NEDD9: variants seen among roughly 807,000 people sequenced by gnomAD.
NEDD9 encodes neural precursor cell expressed, developmentally down-regulated 9.
NEDD9 carries 26 observed loss-of-function variants against 76.6 expected under a neutral mutation model. That is an observed-to-expected ratio of 0.34 (90% confidence interval 0.25 to 0.47). NEDD9 has a LOEUF of 0.47. NEDD9 is among the 20% of genes least tolerant of loss of function. The pLI, the probability that NEDD9 is intolerant of heterozygous loss-of-function variation, is 1.00. For synonymous variants in NEDD9, 392 were observed against 414.2 expected (o/e 0.95, Z 0.65); for missense variants, 937 against 1,058.5 (o/e 0.89, Z 1.59).
chr6:11,224,192 C>T (rs9461569), intron 1 of NEDD9, among the ~76,000 whole-genome samples: 6,572 of 152,280 alleles, frequency 0.043, 444 homozygotes, highest in African/African-American at 0.15. Context: ...AAGAGCTAGG[C>T]ACTGATAAGA....
At chr6:11,221,123 C>T (rs1759128435) in intron 1 of NEDD9, among the ~76,000 whole-genome samples, 1 of 152,102 alleles carries the variant, frequency 6.6e-6, no homozygotes, top group Non-Finnish European at 1.5e-5. Context: ...TGGCTCACAC[C>T]TGTAATCCCA....
chr6:11,190,110 G>C lies in NEDD9; in HGVS notation c.1759C>G (p.Gln587Glu). 6.2e-7 allele frequency: 1 copy of C among 1,611,972 alleles called. No individual in the cohort carries two copies. The change falls in exon 5 of 7, where the codon CAG becomes GAG. Residue 587 changes from glutamine (Q) to glutamate (E), a missense_variant. Transcript: ENST00000379446. The surrounding 1 kb of genome is among the most constrained non-coding windows in gnomAD (Gnocchi z 5.8). ...TTGTGGTCACCAGGATGCAGCAGCT[G>C]TCCCTGGGAGCCACCGTGTGGGTAC... ...TEYPHGGSQGQLLHPGDHKAQ... is the reference protein window; with the variant it reads ...TEYPHGGSQGELLHPGDHKAQ...
At chr6:11,249,072 A>G (rs1759863167) in intron 3 of NEDD9, 1 of 454,292 alleles carries the variant, frequency 2.2e-6, no homozygotes, top group East Asian at 6.9e-5. Context: ...CTGGGCTGCA[A>G]TGCCCACGTA....
At chr6:11,378,890 A>G (rs1159926040) in intron 1 of NEDD9, among the ~76,000 whole-genome samples, 5 of 152,218 alleles carry the variant, frequency 3.3e-5, no homozygotes, top group Admixed American at 1.3e-4. Flanking sequence ...GCTGAGTTAC[A>G]TCGGAGCCTC....
chr6:11,190,287 G>C lies in NEDD9; in HGVS notation c.1582C>G (p.Leu528Val), dbSNP rs781636342. 6.2e-7 allele frequency: 1 copy of C among 1,614,250 alleles called. No individual in the cohort carries two copies. Among genetic ancestry groups the C allele is most frequent in the South Asian group, 1.1e-5 (1 of 91,082 alleles). ...TTTGCCACCATCACAAACCGGTCCAGATCGTCACACTTGTTCTGGGGCTTG... is the reference window on the plus strand; with the variant it reads ...TTTGCCACCATCACAAACCGGTCCACATCGTCACACTTGTTCTGGGGCTTG... ...INKPQNKCDDLDRFVMVAKTV... is the reference protein window; with the variant it reads ...INKPQNKCDDVDRFVMVAKTV... The change falls in exon 5 of 7, where the codon CTG becomes GTG. Residue 528 changes from leucine to valine, a missense_variant. Coordinates refer to ENST00000379446, the MANE Select transcript of NEDD9 (RefSeq NM_006403.4). The surrounding 1 kb of genome is among the most constrained non-coding windows in gnomAD (Gnocchi z 5.8).
At chr6:11,204,551 C>G (rs1758545085) in intron 2 of NEDD9, among the ~76,000 whole-genome samples, 1 of 151,734 alleles carries the variant, frequency 6.6e-6, no homozygotes, top group East Asian at 1.9e-4. Context: ...GAAACTTTGT[C>G]TCTACTAAAA....
chr6:11,309,593 G>A (rs1418866573), intron 2 of NEDD9, among the ~76,000 whole-genome samples: 25 of 152,140 alleles, frequency 1.6e-4, no homozygotes, highest in African/African-American at 4.8e-4. Context: ...CAAAGTGGTC[G>A]TATCAATCGA....
chr6:11,281,257 G>A (rs559280248), intron 3 of NEDD9, among the ~76,000 whole-genome samples: 13 of 152,314 alleles, frequency 8.5e-5, no homozygotes, highest in Non-Finnish European at 1.6e-4. Flanking sequence ...GAGCAGCCAT[G>A]TCCTTTGAGA....
intron 1 of NEDD9, among the ~76,000 whole-genome samples, chr6:11,368,686 T>C (rs550845445): frequency 5.0e-4 from 76 of 152,382 alleles, no homozygotes; most frequent in Non-Finnish European, 9.1e-4. Context: ...TGAAATATCA[T>C]TTCGGCTTTC....
intron 1 of NEDD9, among the ~76,000 whole-genome samples, chr6:11,227,991 T>G (rs1759354707): frequency 6.6e-6 from 1 of 151,438 alleles, no homozygotes; most frequent in South Asian, 2.1e-4. Context: ...GGACCAAGAT[T>G]TCCCATAGCA....
At chr6:11,371,464 T>A (rs1275768105) in intron 1 of NEDD9, among the ~76,000 whole-genome samples, 1 of 152,228 alleles carries the variant, frequency 6.6e-6, no homozygotes, top group African/African-American at 2.4e-5. Context: ...GAACCCCTGA[T>A]CTTTTTACTG....
Position 11,370,533 on chromosome 6 carries a change from C to T in NEDD9, c.-214+11606G>A, listed in dbSNP as rs1234305694. On this transcript the variant is annotated intron_variant, in intron 1 of 3. Transcript: ENST00000397378. The surrounding 1 kb of genome is among the most constrained non-coding windows in gnomAD (Gnocchi z 4.2). Reference sequence around the variant, plus strand: ...TAGGTGCACAAGGCTCTCCTCAAGCCGCCTTTTCTTCCCCTCACAATCTCC... The same window carrying T: ...TAGGTGCACAAGGCTCTCCTCAAGCTGCCTTTTCTTCCCCTCACAATCTCC... 6.6e-6 allele frequency among the ~76,000 whole-genome samples: 1 copy of T among 152,148 alleles called. No individual in the cohort carries two copies. Among genetic ancestry groups the T allele is most frequent in the Non-Finnish European group, 1.5e-5 (1 of 68,030 alleles).
rs1428197838 is a variant in NEDD9, at chr6:11,252,770, G to A, written c.13-39043C>T. Among the ~76,000 whole-genome samples, 1 of 152,130 alleles carries A rather than the reference G, an allele frequency of 6.6e-6. No homozygotes were observed. The highest frequency in any genetic ancestry group is 1.9e-4 in the East Asian group (1 of 5,204). On this transcript the variant is annotated intron_variant, in intron 3 of 3. Coordinates refer to the NEDD9 transcript ENST00000397378. The surrounding 1 kb of genome is among the most constrained non-coding windows in gnomAD (Gnocchi z 4.3). ...ACTCTGTCTCTTAAATATAGGGTTT[G>A]TTTGTGAGTAAATTGGTTGTATGCC...
intron 1 of NEDD9, among the ~76,000 whole-genome samples, chr6:11,359,716 T>C (rs1762642692): frequency 6.6e-6 from 1 of 152,240 alleles, no homozygotes; most frequent in African/African-American, 2.4e-5. Context: ...AGTTGCCACA[T>C]GTTGTTAACC....
intron 1 of NEDD9, among the ~76,000 whole-genome samples, chr6:11,343,809 G>C (rs1044111159): frequency 6.6e-6 from 1 of 152,192 alleles, no homozygotes; most frequent in Non-Finnish European, 1.5e-5. Flanking sequence ...CCAGATTTTA[G>C]TCTAATTCCA....
intron 2 of NEDD9, chr6:11,200,578 CA>C: frequency 9.3e-7 from 1 of 1,078,326 alleles, no homozygotes; most frequent in South Asian, 2.8e-5. Context: ...TGTTTCCTTT[CA>C]AAATGTTTTA....
chr6:11,258,713 T>A (rs1340699691), intron 3 of NEDD9: 1 of 152,152 alleles, frequency 6.6e-6, no homozygotes, highest in African/African-American at 2.4e-5. Context: ...GAGGGTAATG[T>A]CCATTGGGTT....
intron 3 of NEDD9, among the ~76,000 whole-genome samples, chr6:11,264,361 C>T (rs544583508): frequency 3.3e-5 from 5 of 152,224 alleles, no homozygotes; most frequent in African/African-American, 7.2e-5. Context: ...CAGCATCCCG[C>T]GCTCATAGGT....
At position 11,295,726 on chromosome 6, in the gene NEDD9, C is replaced by T. The variant is rs1000895270; in HGVS notation, c.12+10266G>A. Among the ~76,000 whole-genome samples the T allele has an allele frequency of 2.6e-5, 4 of 152,210 alleles. No individual in the cohort carries two copies. In the South Asian group the frequency reaches 8.3e-4, roughly 31 times the overall value. On this transcript the variant is annotated intron_variant, in intron 3 of 3. Transcript: ENST00000397378. Reference sequence around the variant, plus strand: ...GCTGGGGTCTTTATCCTGATTTCAGCTTCCTCCTCTGCCTAATCCTGCTTC... The same window carrying T: ...GCTGGGGTCTTTATCCTGATTTCAGTTTCCTCCTCTGCCTAATCCTGCTTC...
Sources: gnomAD v4.1 joint callset for allele counts (sites outside exome capture counted in the v4.1 genomes callset) on GRCh38, gnomAD v4.1.1 for gene constraint, Gnocchi (gnomAD v3.1) non-coding constraint, MANE v1.5 for transcripts, NCBI Gene and HGNC (gene_info 2026-07-23, HGNC 2026-07-21) for gene names.